VAV2: variants seen among roughly 807,000 people sequenced by gnomAD.
The protein encoded by VAV2 is vav guanine nucleotide exchange factor 2, also known as guanine nucleotide exchange factor VAV2.
Under a neutral mutation model 132.5 loss-of-function variants are expected in VAV2, and 67 were observed. The ratio of observed to expected loss-of-function variants is 0.51; its 90% CI spans 0.42 to 0.62. VAV2 has a LOEUF of 0.62. Among genes scored for constraint, VAV2 ranks in the 20% least tolerant of loss-of-function variants. The probability of loss-of-function intolerance (pLI) is 0.00; values close to 1 mark genes in which losing one functional copy is unlikely to be tolerated. For missense variants in VAV2, 938 were observed against 1,153.6 expected, an observed-to-expected ratio of 0.81 and a Z score of 2.71; for synonymous variants, 492 against 443.5, an observed-to-expected ratio of 1.11 and a Z score of -1.37.
chr9:133,950,409 T>C (rs1178576242), intron 1 of VAV2, among the ~76,000 whole-genome samples: 1 of 152,210 alleles, frequency 6.6e-6, no homozygotes, highest in East Asian at 1.9e-4. Context: ...GCCGTGCGTG[T>C]TCAGAGCCAG....
chr9:133,876,931 C>A (rs555333997), intron 2 of VAV2, among the ~76,000 whole-genome samples: 1 of 152,080 alleles, frequency 6.6e-6, no homozygotes, highest in Admixed American at 6.5e-5. Context: ...GGGGTCTGGA[C>A]GCACAGTGGC....
In VAV2 at chr9:133,769,721, T is replaced by C. The variant is rs906030354; in HGVS notation, c.2348-218A>G. On this transcript the variant is annotated intron_variant, in intron 27 of 29. Coordinates refer to ENST00000371850, the MANE Select transcript of VAV2 (RefSeq NM_001134398.2). The surrounding 1 kb of genome is among the most constrained non-coding windows in gnomAD (Gnocchi z 8.1). ...CACCTGAGCTACCCTGGAACCACTC[T>C]ATGCACCCGTGTACTCGAGAGCAAA... Among the ~76,000 whole-genome samples the C allele has an allele frequency of 6.6e-6, 1 of 152,160 alleles. No individual in the cohort carries two copies. Among genetic ancestry groups the C allele is most frequent in the Admixed American group, 6.5e-5 (1 of 15,284 alleles).
chr9:133,796,826 T>C (rs1834738008), intron 10 of VAV2, among the ~76,000 whole-genome samples: 5 of 152,326 alleles, frequency 3.3e-5, no homozygotes, highest in Admixed American at 3.3e-4. Flanking sequence ...GATGTGGCCT[T>C]GACTCTTCCG....
chr9:133,781,338 G>A (rs1427600985), intron 19 of VAV2, among the ~76,000 whole-genome samples: 1 of 152,236 alleles, frequency 6.6e-6, no homozygotes, highest in Non-Finnish European at 1.5e-5. Context: ...ACCACCAGAG[G>A]AGGCAAGGAG....
At chr9:133,876,943 A>C (rs1838288746) in intron 2 of VAV2, among the ~76,000 whole-genome samples, 1 of 152,118 alleles carries the variant, frequency 6.6e-6, no homozygotes, top group South Asian at 2.1e-4. Context: ...CACAGTGGCC[A>C]GCTACAGAGG....
In VAV2 at chr9:133,766,764, ATAT is replaced by A. The variant is rs1564324165; in HGVS notation, c.2589+1675_2589+1677del. Reference sequence around the variant, plus strand: ...TAGAACTTAAAGTATAAATAAATATATATATATATATATATATATATATCCCAA... The same window carrying A: ...TAGAACTTAAAGTATAAATAAATATAATATATATATATATATATATCCCAA... On this transcript the variant is annotated intron_variant, in intron 29 of 29. Transcript: ENST00000371850. Among the ~76,000 whole-genome samples the A allele has an allele frequency of 4.3e-3, 576 of 132,646 alleles. 14 individuals are homozygous for A. Among genetic ancestry groups the A allele is most frequent in the African/African-American group, 0.016 (558 of 34,518 alleles). The allele number at this position is 132,646 out of a possible 152,430, so 87.0% of individuals were successfully genotyped here.
chr9:133,988,477 G>A (rs932330384), intron 1 of VAV2, among the ~76,000 whole-genome samples: 2 of 152,140 alleles, frequency 1.3e-5, no homozygotes, highest in Non-Finnish European at 2.9e-5. Flanking sequence ...GAACCTTGAC[G>A]GCCTCACCTA....
At chr9:133,811,402 C>A (rs534250043) in intron 5 of VAV2, among the ~76,000 whole-genome samples, 1 of 152,352 alleles carries the variant, frequency 6.6e-6, no homozygotes, top group South Asian at 2.1e-4. Flanking sequence ...TTTCCTATTT[C>A]TTTGGGGGAA....
chr9:133,828,942 C>T lies in VAV2; in HGVS notation c.449+5330G>A, dbSNP rs994426548. On this transcript the variant is annotated intron_variant, in intron 4 of 29. Transcript: ENST00000371850. ...TGTCACCTCTTCTGAGGAGGCCCGGCTGTCACCTCTTCTGAGAAGCTTTCC... is the reference window on the plus strand; with the variant it reads ...TGTCACCTCTTCTGAGGAGGCCCGGTTGTCACCTCTTCTGAGAAGCTTTCC... Among the ~76,000 whole-genome samples the T allele has an allele frequency of 1.1e-4, 17 of 152,226 alleles. No individual in the cohort carries two copies. In the East Asian group the frequency reaches 3.3e-3, roughly 29 times the overall value.
At chr9:133,837,423 C>T (rs891444887) in intron 3 of VAV2, among the ~76,000 whole-genome samples, 2 of 152,298 alleles carry the variant, frequency 1.3e-5, no homozygotes, top group Admixed American at 6.5e-5. Context: ...CGGCCAGGCG[C>T]GGTGGCTCAC....
intron 9 of VAV2, among the ~76,000 whole-genome samples, chr9:133,805,400 T>G (rs1835093244): frequency 6.6e-6 from 1 of 152,130 alleles, no homozygotes; most frequent in Non-Finnish European, 1.5e-5. Flanking sequence ...ACAGAGAGCT[T>G]GGCACCGTCC....
chr9:133,933,575 T>C (rs1840767032), intron 2 of VAV2, among the ~76,000 whole-genome samples: 1 of 147,266 alleles, frequency 6.8e-6, no homozygotes, highest in Non-Finnish European at 1.5e-5. Context: ...GATGGATGGA[T>C]GGTGGATGGA....
At chr9:133,797,292 G>A (rs533713155) in intron 10 of VAV2, among the ~76,000 whole-genome samples, 1 of 152,100 alleles carries the variant, frequency 6.6e-6, no homozygotes, top group South Asian at 2.1e-4. Flanking sequence ...CGGAGGCCAG[G>A]ATCAGGGGTC....
intron 3 of VAV2, among the ~76,000 whole-genome samples, chr9:133,841,348 G>A (rs1177117026): frequency 6.6e-6 from 1 of 151,892 alleles, no homozygotes; most frequent in Non-Finnish European, 1.5e-5. Context: ...TGGGCCTGGT[G>A]ACCCCATGTG....
chr9:133,987,480 A>G (rs1842892136), intron 1 of VAV2, among the ~76,000 whole-genome samples: 1 of 152,240 alleles, frequency 6.6e-6, no homozygotes, highest in Admixed American at 6.5e-5. Context: ...GCACACATCA[A>G]AAAGGCCCGG....
At chr9:133,869,361 T>C (rs1400291758) in intron 2 of VAV2, among the ~76,000 whole-genome samples, 2 of 152,086 alleles carry the variant, frequency 1.3e-5, no homozygotes, top group East Asian at 3.9e-4. Flanking sequence ...ATCTCAGCAC[T>C]CTGGGAGGCT....
chr9:133,900,456 T>C (rs2132009513), intron 2 of VAV2, among the ~76,000 whole-genome samples: 1 of 152,258 alleles, frequency 6.6e-6, no homozygotes, highest in South Asian at 2.1e-4. Flanking sequence ...CTAAAAATAA[T>C]ACTCTAACTG....
chr9:133,890,601 C>T (rs1269246944), intron 2 of VAV2, among the ~76,000 whole-genome samples: 1 of 151,972 alleles, frequency 6.6e-6, no homozygotes, highest in Non-Finnish European at 1.5e-5. Context: ...CTGCTAAAGA[C>T]AGCACTCCCC....
chr9:133,785,889 C>T lies in VAV2; in HGVS notation c.1423-4G>A. 6.2e-7 allele frequency: 1 copy of T among 1,612,448 alleles called. No individual in the cohort carries two copies. Among genetic ancestry groups the T allele is most frequent in the South Asian group, 1.1e-5 (1 of 90,896 alleles). On this transcript the variant is annotated splice_region_variant and splice_polypyrimidine_tract_variant and intron_variant, in intron 16 of 29. Coordinates refer to ENST00000371850, the MANE Select transcript of VAV2 (RefSeq NM_001134398.2). ...TTAGGTAGAAGCCGTAGGACCACTG[C>T]AGGGGGGAGAGGGGCCATGCTTGCA... is the stretch of plus-strand genomic sequence containing the variant.
Sources: gnomAD v4.1 joint callset for allele counts (sites outside exome capture counted in the v4.1 genomes callset) on GRCh38, gnomAD v4.1.1 for gene constraint, Gnocchi (gnomAD v3.1) non-coding constraint, MANE v1.5 for transcripts, NCBI Gene and HGNC (gene_info 2026-07-23, HGNC 2026-07-21) for gene names.